TNR: variants seen among roughly 807,000 people sequenced by gnomAD.
TNR encodes tenascin-R.
A neutral mutation model predicts 150.4 loss-of-function variants in TNR; 45 were observed. The ratio of observed to expected loss-of-function variants is 0.30; its 90% CI spans 0.24 to 0.38. The LOEUF is 0.38. TNR is among the 10% of genes least tolerant of loss of function. The pLI is 1.00. For missense variants in TNR, 1,544 were observed against 1,759.1 expected, an observed-to-expected ratio of 0.88 and a Z score of 2.19; for synonymous variants, 687 against 678.4, an observed-to-expected ratio of 1.01 and a Z score of -0.20.
At chr1:175,407,573 G>C (rs536886882) in intron 2 of TNR, among the ~76,000 whole-genome samples, 2 of 152,142 alleles carry the variant, frequency 1.3e-5, no homozygotes, top group African/African-American at 4.8e-5. Context: ...TATTCTCTAT[G>C]CAAAACAGAA....
intron 1 of TNR, among the ~76,000 whole-genome samples, chr1:175,671,257 G>T (rs535130189): frequency 6.6e-6 from 1 of 152,208 alleles, no homozygotes; most frequent in South Asian, 2.1e-4. Flanking sequence ...CCAGGTCATG[G>T]TGCCTACTGA....
intron 1 of TNR, among the ~76,000 whole-genome samples, chr1:175,616,423 G>A (rs1663777869): frequency 6.6e-6 from 1 of 152,202 alleles, no homozygotes. Context: ...GCTGGCGGGT[G>A]ATGCTAGGTG....
chr1:175,572,742 C>A (rs888889227), intron 1 of TNR, among the ~76,000 whole-genome samples: 3 of 151,620 alleles, frequency 2.0e-5, no homozygotes, highest in African/African-American at 7.3e-5. Flanking sequence ...ATTCCAACAT[C>A]TGAATTTAAC....
chr1:175,597,348 T>G (rs1663050000), intron 1 of TNR, among the ~76,000 whole-genome samples: 1 of 152,148 alleles, frequency 6.6e-6, no homozygotes, highest in Non-Finnish European at 1.5e-5. Context: ...TCCTAGGGAA[T>G]GTGAGAAGTG....
intron 12 of TNR, among the ~76,000 whole-genome samples, chr1:175,364,194 C>T (rs767463514): frequency 6.6e-6 from 1 of 152,122 alleles, no homozygotes; most frequent in East Asian, 1.9e-4. Context: ...CAAATTTTGC[C>T]TGTATCTCTT....
intron 1 of TNR, among the ~76,000 whole-genome samples, chr1:175,655,564 A>G (rs963316566): frequency 1.3e-5 from 2 of 152,188 alleles, no homozygotes; most frequent in Non-Finnish European, 2.9e-5. Flanking sequence ...AATGATGCTG[A>G]TGAGTGCTGT....
In TNR at chr1:175,651,307, G is replaced by C. The variant is rs561103771; in HGVS notation, c.-165+91919C>G. On this transcript the variant is annotated intron_variant, in intron 1 of 22. Coordinates refer to ENST00000367674, the MANE Select transcript of TNR (RefSeq NM_003285.3). The stretch of plus-strand genomic sequence containing the variant: ...GACACAGCTATGGGAAGAGAGCCTG[G>C]CCCAGGCAGAGGGTTCAGCATGTTT... 4.9e-4 allele frequency among the ~76,000 whole-genome samples: 74 copies of C among 151,504 alleles called. 1 individual carries two copies. In the South Asian group the frequency reaches 0.015, roughly 30 times the overall value.
chr1:175,390,893 T>C (rs2102034555), intron 7 of TNR, among the ~76,000 whole-genome samples: 1 of 152,342 alleles, frequency 6.6e-6, no homozygotes, highest in South Asian at 2.1e-4. Flanking sequence ...TCTTGTAAAA[T>C]AAATTGAAGT....
At chr1:175,460,064 A>T (rs1656748157) in intron 2 of TNR, among the ~76,000 whole-genome samples, 1 of 152,200 alleles carries the variant, frequency 6.6e-6, no homozygotes, top group Non-Finnish European at 1.5e-5. Context: ...CATTATGAAA[A>T]GCAAGGCAGA....
chr1:175,620,199 G>T (rs549396074), intron 1 of TNR, among the ~76,000 whole-genome samples: 2 of 152,326 alleles, frequency 1.3e-5, no homozygotes, highest in South Asian at 4.1e-4. Flanking sequence ...TTTTAAGAGA[G>T]TAATAGGCAG....
chr1:175,376,790 C>A (rs1371812206), intron 9 of TNR, among the ~76,000 whole-genome samples: 1 of 151,270 alleles, frequency 6.6e-6, no homozygotes, highest in East Asian at 1.9e-4. Context: ...TTATGTTAAG[C>A]TATTTGCCTC....
At chr1:175,736,469 C>A (rs867822873) in intron 1 of TNR, among the ~76,000 whole-genome samples, 40 of 151,780 alleles carry the variant, frequency 2.6e-4, no homozygotes, top group Admixed American at 9.8e-4. Flanking sequence ...TGCAGTGAGC[C>A]GAGATTGCGC....
intron 1 of TNR, among the ~76,000 whole-genome samples, chr1:175,636,969 T>C (rs1167684883): frequency 6.6e-6 from 1 of 152,266 alleles, no homozygotes; most frequent in East Asian, 1.9e-4. Context: ...AAAGTGATAG[T>C]GCAGTTCCAG....
chr1:175,702,627 G>GTGTA (rs1666729697), intron 1 of TNR, among the ~76,000 whole-genome samples: 1 of 152,186 alleles, frequency 6.6e-6, no homozygotes, highest in African/African-American at 2.4e-5. Flanking sequence ...GTGTGTGTGT[G>GTGTA]TATACAGAGC....
At chr1:175,602,003 G>C (rs947735911) in intron 1 of TNR, among the ~76,000 whole-genome samples, 1 of 152,108 alleles carries the variant, frequency 6.6e-6, no homozygotes, top group East Asian at 1.9e-4. Flanking sequence ...CCACTGTATA[G>C]AGCAGGGAGA....
intron 1 of TNR, among the ~76,000 whole-genome samples, chr1:175,723,038 C>G (rs1667360959): frequency 6.6e-6 from 1 of 152,012 alleles, no homozygotes; most frequent in Admixed American, 6.6e-5. Flanking sequence ...GATCTGCCCA[C>G]CTCGGCCTCC....
intron 1 of TNR, among the ~76,000 whole-genome samples, chr1:175,638,056 C>T (rs540545025): frequency 2.0e-5 from 3 of 152,292 alleles, no homozygotes; most frequent in East Asian, 1.9e-4. Flanking sequence ...AGTTGCTCCT[C>T]TCTGCAGAAG....
intron 4 of TNR, among the ~76,000 whole-genome samples, chr1:175,401,645 C>T (rs859408): frequency 0.68 from 103,348 of 151,984 alleles, 35,367 homozygotes; most frequent in East Asian, 0.83. Context: ...TTCATTATTA[C>T]CATTGATTTT....
At chr1:175,606,882 C>T (rs1314797892) in intron 1 of TNR, among the ~76,000 whole-genome samples, 3 of 152,186 alleles carry the variant, frequency 2.0e-5, no homozygotes, top group South Asian at 4.1e-4. Flanking sequence ...TTGAGATGCC[C>T]AGTGCACTCC....
Sources: allele counts gnomAD v4.1 joint callset (sites outside exome capture counted in the v4.1 genomes callset), GRCh38; gene constraint gnomAD v4.1.1; transcripts MANE v1.5; gene names NCBI Gene and HGNC (gene_info 2026-07-23, HGNC 2026-07-21).